Variants in CSMD3 observed in about 807,000 individuals in gnomAD.
CSMD3 encodes the protein CUB and Sushi multiple domains 3, also known as CUB and sushi domain-containing protein 3.
Under a neutral mutation model 435.2 loss-of-function variants are expected in CSMD3, and 177 were observed. The observed-to-expected ratio is 0.41, with a 90% CI of 0.36 to 0.46. The LOEUF (loss-of-function observed/expected upper bound fraction) is 0.46, where lower values mean the gene tolerates loss of function less well. Among genes scored for constraint, CSMD3 ranks in the 20% least tolerant of loss-of-function variants. CSMD3 has a pLI of 0.34. For missense variants in CSMD3, 4,265 were observed against 4,504.6 expected, an observed-to-expected ratio of 0.95 and a Z score of 1.52; for synonymous variants, 1,656 against 1,520.5, an observed-to-expected ratio of 1.09 and a Z score of -2.07.
At chr8:112,602,069 T>C (rs1315749252) in intron 22 of CSMD3, among the ~76,000 whole-genome samples, 1 of 152,164 alleles carries the variant, frequency 6.6e-6, no homozygotes, top group Non-Finnish European at 1.5e-5. Flanking sequence ...GGTCACTGTC[T>C]AACAATTTTT....
intron 4 of CSMD3, among the ~76,000 whole-genome samples, chr8:113,160,608 C>G (rs1372763348): frequency 6.7e-6 from 1 of 149,638 alleles, no homozygotes; most frequent in Non-Finnish European, 1.5e-5. Context: ...TCCCCAGGAC[C>G]TTTGAGTCCA....
chr8:112,677,905 T>G (rs899532397), intron 16 of CSMD3, among the ~76,000 whole-genome samples: 1 of 152,180 alleles, frequency 6.6e-6, no homozygotes, highest in African/African-American at 2.4e-5. Context: ...ACTGCTTCAC[T>G]GGCCTAGCAC....
At chr8:112,377,637 C>A (rs7835549) in intron 38 of CSMD3, among the ~76,000 whole-genome samples, 3,962 of 152,054 alleles carry the variant, frequency 0.026, 155 homozygotes, top group African/African-American at 0.09. Context: ...TGTTTAAAAA[C>A]ATCATATACC....
At chr8:113,372,436 T>C (rs1183057262) in intron 1 of CSMD3, among the ~76,000 whole-genome samples, 5 of 152,214 alleles carry the variant, frequency 3.3e-5, no homozygotes, top group Middle Eastern at 3.4e-3. Flanking sequence ...GAGAAGCGGA[T>C]TGGAGGATCT....
chr8:112,249,355 GA>G (rs1815052587), intron 63 of CSMD3, among the ~76,000 whole-genome samples: 1 of 141,540 alleles, frequency 7.1e-6, no homozygotes, highest in Non-Finnish European at 1.6e-5. Context: ...AGGACTTTAT[GA>G]AAACAGTGAT....
intron 3 of CSMD3, among the ~76,000 whole-genome samples, chr8:113,208,024 T>G (rs1183296397): frequency 6.6e-6 from 1 of 152,164 alleles, no homozygotes; most frequent in Non-Finnish European, 1.5e-5. Context: ...TAGAATGCTT[T>G]ATCAAGTCTG....
intron 13 of CSMD3, among the ~76,000 whole-genome samples, chr8:112,703,181 T>C (rs1043698220): frequency 1.3e-5 from 2 of 152,066 alleles, no homozygotes; most frequent in Non-Finnish European, 2.9e-5. Flanking sequence ...ACAACTAAAT[T>C]TGGAAGAAAC....
intron 38 of CSMD3, among the ~76,000 whole-genome samples, chr8:112,373,851 T>C (rs1264677329): frequency 6.6e-6 from 1 of 152,126 alleles, no homozygotes; most frequent in Non-Finnish European, 1.5e-5. Context: ...CTGGGAGTAA[T>C]AGTCTCCAGT....
At chr8:112,844,769 T>C (rs529457490) in intron 11 of CSMD3, among the ~76,000 whole-genome samples, 57 of 152,090 alleles carry the variant, frequency 3.7e-4, no homozygotes, top group African/African-American at 1.3e-3. Flanking sequence ...AACCTAATCA[T>C]AATTGAAAAG....
intron 14 of CSMD3, 28 bp from the exon 15 acceptor site, chr8:112,685,760 C>T: frequency 1.5e-6 from 2 of 1,335,068 alleles, no homozygotes; most frequent in South Asian, 1.2e-5. Context: ...TTATGAAATA[C>T]AATAAATATT....
intron 2 of CSMD3, among the ~76,000 whole-genome samples, chr8:113,280,389 A>G (rs565554513): frequency 6.6e-6 from 1 of 151,852 alleles, no homozygotes; most frequent in Admixed American, 6.6e-5. Context: ...GATTTGAGCT[A>G]GGACGGTTGT....
intron 59 of CSMD3, among the ~76,000 whole-genome samples, chr8:112,270,646 TA>T (rs548585237): frequency 6.6e-6 from 1 of 152,088 alleles, no homozygotes; most frequent in Non-Finnish European, 1.5e-5. Flanking sequence ...ACTGAATCTA[TA>T]AAAAATCCAG....
intron 3 of CSMD3, among the ~76,000 whole-genome samples, chr8:113,262,064 T>C (rs1431834602): frequency 6.6e-6 from 1 of 152,078 alleles, no homozygotes. Context: ...GATTCTTCTA[T>C]TACCATATAT....
At chr8:113,295,739 C>A (rs1179744284) in intron 2 of CSMD3, among the ~76,000 whole-genome samples, 1 of 152,144 alleles carries the variant, frequency 6.6e-6, no homozygotes, top group East Asian at 1.9e-4. Context: ...CAGATTGTGG[C>A]AATTCCTCAG....
At chr8:112,388,469 A>G (rs1830147982) in intron 36 of CSMD3, among the ~76,000 whole-genome samples, 1 of 152,176 alleles carries the variant, frequency 6.6e-6, no homozygotes, top group Non-Finnish European at 1.5e-5. Context: ...AACCTGACGA[A>G]TTTCATTGTA....
At chr8:113,087,837 CA>C (rs1406238343) in intron 5 of CSMD3, among the ~76,000 whole-genome samples, 2 of 152,106 alleles carry the variant, frequency 1.3e-5, no homozygotes, top group Non-Finnish European at 2.9e-5. Context: ...GCAATGGCAA[CA>C]AAAGCCAAAA....
chr8:113,117,133 A>G (rs144517629), intron 4 of CSMD3, among the ~76,000 whole-genome samples: 53 of 152,372 alleles, frequency 3.5e-4, no homozygotes, highest in African/African-American at 1.2e-3. Flanking sequence ...AAATGTCTCC[A>G]TGGCATGTCA....
At chr8:113,155,337 C>T (rs1016951799) in intron 4 of CSMD3, among the ~76,000 whole-genome samples, 12 of 152,044 alleles carry the variant, frequency 7.9e-5, no homozygotes, top group Non-Finnish European at 1.5e-4. Context: ...AATGGACTAG[C>T]TTCCCCAAGT....
intron 24 of CSMD3, among the ~76,000 whole-genome samples, chr8:112,560,650 C>T (rs1455867274): frequency 6.6e-6 from 1 of 151,610 alleles, no homozygotes; most frequent in Non-Finnish European, 1.5e-5. Flanking sequence ...GTCATTAACT[C>T]AAATCATGAC....
Sources: gnomAD v4.1 joint callset for allele counts (sites outside exome capture counted in the v4.1 genomes callset) on GRCh38, gnomAD v4.1.1 for gene constraint, MANE v1.5 for transcripts, NCBI Gene and HGNC (gene_info 2026-07-23, HGNC 2026-07-21) for gene names.